Variants in NF1 observed in about 807,000 individuals in gnomAD.
NF1 encodes neurofibromin.
Under a neutral mutation model 325.7 loss-of-function variants are expected in NF1, and 122 were observed. The ratio of observed to expected loss-of-function variants is 0.37; its 90% CI spans 0.32 to 0.44. NF1 has a LOEUF of 0.44. Among genes scored for constraint, NF1 ranks in the 20% least tolerant of loss-of-function variants. The probability of loss-of-function intolerance (pLI) is 1.00; values close to 1 mark genes in which losing one functional copy is unlikely to be tolerated. For synonymous variants in NF1, 1,091 were observed against 1,186.0 expected (o/e 0.92, Z 1.65); for missense variants, 2,140 against 3,415.4 (o/e 0.63, Z 9.31).
intron 36 of NF1, among the ~76,000 whole-genome samples, chr17:31,286,516 T>C (rs1262592414): frequency 6.6e-6 from 1 of 152,212 alleles, no homozygotes; most frequent in Non-Finnish European, 1.5e-5. Context: ...TATCCAAGTA[T>C]ATTTTGTTAA....
intron 12 of NF1, 104 bp downstream of exon 12, chr17:31,206,475 G>T (rs1233339923): frequency 7.6e-7 from 1 of 1,321,636 alleles, no homozygotes; most frequent in African/African-American, 1.5e-5. Flanking sequence ...GAATTGAATG[G>T]GTCCTTCATT....
chr17:31,174,473 A>C (rs1049119959), intron 5 of NF1, among the ~76,000 whole-genome samples: 2 of 152,220 alleles, frequency 1.3e-5, no homozygotes, highest in Non-Finnish European at 2.9e-5. Flanking sequence ...CCTTATCTTA[A>C]ATAAGCAGTG....
chr17:31,095,250 T>C lies in NF1; in HGVS notation c.-60T>C. 3 of 1,487,870 alleles carry C rather than the reference T, an allele frequency of 2.0e-6. No individual in the cohort carries two copies. The highest frequency in any genetic ancestry group is 1.2e-5 in the South Asian group (1 of 82,986). 92.2% of individuals were successfully genotyped at this position (1,487,870 alleles called of 1,614,324 possible). On this transcript the variant is annotated 5_prime_UTR_variant, in exon 1 of 58. Coordinates refer to ENST00000358273, the MANE Select transcript of NF1 (RefSeq NM_001042492.3). ...ACCTCAGCCTCCGCTCCCCGCCCTC[T>C]TCCCGGCCCAGGGCGCCGGCCCACC...
chr17:31,165,047 C>T lies in NF1; in HGVS notation c.479+1671C>T, dbSNP rs17881157. Among the ~76,000 whole-genome samples the T allele has an allele frequency of 3.9e-3, 588 of 152,192 alleles. 3 individuals are homozygous for T. Among genetic ancestry groups the T allele is most frequent in the African/African-American group, 0.014 (567 of 41,526 alleles). The stretch of plus-strand genomic sequence containing the variant: ...AGGCCGGCCTTACTATTTGAAACAC[C>T]TGTTAAATTAAAGGTAGAAAGTGGT... On this transcript the variant is annotated intron_variant, in intron 4 of 57. Transcript: ENST00000358273.
At chr17:31,109,556 G>A (rs188639123) in intron 1 of NF1, among the ~76,000 whole-genome samples, 77 of 151,996 alleles carry the variant, frequency 5.1e-4, no homozygotes, top group Admixed American at 4.7e-3. Flanking sequence ...GCTAATTTTT[G>A]TATTTTTAAT....
chr17:31,145,784 C>G (rs1378289094), intron 1 of NF1, among the ~76,000 whole-genome samples: 2 of 152,066 alleles, frequency 1.3e-5, no homozygotes, highest in African/African-American at 2.4e-5. Context: ...GTAAAGGGAA[C>G]AAAAGAAGTA....
intron 1 of NF1, among the ~76,000 whole-genome samples, chr17:31,104,016 A>G (rs12950236): frequency 0.54 from 82,113 of 151,638 alleles, 25,888 homozygotes; most frequent in Middle Eastern, 0.76. Context: ...CTGTCTCAAA[A>G]AAAATTTTTT....
chr17:31,153,596 G>GCATA, intron 1 of NF1, among the ~76,000 whole-genome samples: 1 of 152,090 alleles, frequency 6.6e-6, no homozygotes, highest in Non-Finnish European at 1.5e-5. Context: ...GCTTTCTCTT[G>GCATA]CATAGATGCT....
chr17:31,274,724 A>G (rs1446070038), intron 36 of NF1, among the ~76,000 whole-genome samples: 1 of 80,436 alleles, frequency 1.2e-5, no homozygotes, highest in Non-Finnish European at 2.5e-5. Context: ...TGGGGGGTAT[A>G]TAGTTGGTAA....
At chr17:31,313,399 C>A in intron 36 of NF1, among the ~76,000 whole-genome samples, 1 of 151,988 alleles carries the variant, frequency 6.6e-6, no homozygotes, top group Middle Eastern at 3.2e-3. Context: ...AATTCTAAAA[C>A]TAAGGTTAAC....
chr17:31,299,533 A>G (rs948509856), intron 36 of NF1: 1 of 152,022 alleles, frequency 6.6e-6, no homozygotes, highest in Non-Finnish European at 1.5e-5. Flanking sequence ...AACATTGTGA[A>G]AGGTATCACA....
rs1364158639 is a variant in NF1 at position 31,249,102 on chromosome 17, T to G, written c.4093T>G (p.Cys1365Gly). 2 of 1,613,980 alleles carry G rather than the reference T, an allele frequency of 1.2e-6. No individual in the cohort carries two copies. Among genetic ancestry groups the G allele is most frequent in the Non-Finnish European group, 8.5e-7 (1 of 1,179,980 alleles). ...ATTCCCCCCTCAACTTCGAAGTGTG[T>G]GCCACTGTTTATACCAGGTATGCTT... ...SEFPPQLRSVCHCLYQATCHS... is the reference protein window; with the variant it reads ...SEFPPQLRSVGHCLYQATCHS... Residue 1365 changes from cysteine to glycine, a missense_variant, in exon 30 of 58, where the codon TGC (cysteine) becomes GGC (glycine). By Grantham distance (159) the Cys-to-Gly change is radical. Transcript: ENST00000358273.
chr17:31,352,305 A>T lies in NF1; in HGVS notation c.7506A>T (p.Gly2502=), dbSNP rs775258088. Residue 2502 remains glycine (G), a synonymous_variant, in exon 51 of 58, where the codon GGA becomes GGT. Coordinates refer to ENST00000358273, the MANE Select transcript of NF1 (RefSeq NM_001042492.3). The stretch of plus-strand genomic sequence containing the variant: ...GGTCCTCTCCCAAAGGTTCTGAAGG[A>T]TACCTTGCAGCCACCTATCCAACTG... ...QPWSSPKGSE[G]YLAATYPTVG... 19 of 1,614,036 alleles carry T rather than the reference A, an allele frequency of 1.2e-5. No homozygotes were observed. The South Asian group carries it at 2.0e-4, about 17-fold the overall frequency.
chr17:31,305,144 G>A (rs1442331069), intron 36 of NF1: 2 of 1,614,018 alleles, frequency 1.2e-6, no homozygotes, highest in Admixed American at 1.7e-5. Flanking sequence ...TTTCTAGAAG[G>A]GATCTGGACA....
chr17:31,193,892 T>A (rs1293084161), intron 8 of NF1, among the ~76,000 whole-genome samples: 2 of 152,104 alleles, frequency 1.3e-5, no homozygotes, highest in African/African-American at 4.8e-5. Context: ...AAATAGCAAA[T>A]GCTGGCAAAG....
chr17:31,141,101 TACAC>T (rs200617540), intron 1 of NF1, among the ~76,000 whole-genome samples: 4 of 151,990 alleles, frequency 2.6e-5, no homozygotes, highest in Non-Finnish European at 5.9e-5. Context: ...TTGTAACACT[TACAC>T]ACACACACAT....
chr17:31,110,571 T>C lies in NF1; in HGVS notation c.60+15202T>C, dbSNP rs566633332. 6.0e-4 allele frequency among the ~76,000 whole-genome samples: 91 copies of C among 152,260 alleles called. 1 individual carries two copies. The highest frequency in any genetic ancestry group is 2.1e-3 in the African/African-American group (86 of 41,558). On this transcript the variant is annotated intron_variant, in intron 1 of 57. Transcript: ENST00000358273. Reference sequence around the variant, plus strand: ...TTTCGTTTATAATACTATCATACTATTAACTATTCTAGAGATGTGAAAGGG... The same window carrying C: ...TTTCGTTTATAATACTATCATACTACTAACTATTCTAGAGATGTGAAAGGG...
rs576844417 is a variant in NF1 at position 31,372,215 on chromosome 17, CAG to C, written c.8378-1794_8378-1793del. On this transcript the variant is annotated intron_variant, in intron 57 of 57. Coordinates refer to ENST00000358273, the MANE Select transcript of NF1 (RefSeq NM_001042492.3). ...TATTTTTTAGTCCTTTGGCTTCTGA[CAG>C]AGATAAAATATTTTGGCAGATGTTT... 2.4e-3 allele frequency among the ~76,000 whole-genome samples: 372 copies of C among 152,242 alleles called. 1 individual carries two copies. Among genetic ancestry groups the C allele is most frequent in the Non-Finnish European group, 4.4e-3 (299 of 68,018 alleles).
intron 40 of NF1, among the ~76,000 whole-genome samples, chr17:31,335,713 C>G (rs937508621): frequency 2.6e-5 from 4 of 151,930 alleles, no homozygotes; most frequent in African/African-American, 9.7e-5. Context: ...GAGTCTCGCT[C>G]TGTCACCCAG....
Sources: allele counts gnomAD v4.1 joint callset (sites outside exome capture counted in the v4.1 genomes callset), GRCh38; gene constraint gnomAD v4.1.1; transcripts MANE v1.5; gene names NCBI Gene and HGNC (gene_info 2026-07-23, HGNC 2026-07-21).